Variants in SVIL observed in about 807,000 individuals in gnomAD.
SVIL encodes archvillin.
A neutral mutation model predicts 240.4 loss-of-function variants in SVIL; 101 were observed. That is an observed-to-expected ratio of 0.42 (90% CI 0.36 to 0.50). The LOEUF is 0.50. SVIL is among the 20% of genes least tolerant of loss of function. The probability of loss-of-function intolerance (pLI) is 0.01; values close to 1 mark genes in which losing one functional copy is unlikely to be tolerated. For synonymous variants in SVIL, 999 were observed against 1,100.0 expected, an observed-to-expected ratio of 0.91 and a Z score of 1.82; for missense variants, 2,512 against 2,818.7, an observed-to-expected ratio of 0.89 and a Z score of 2.46.
At chr10:29,524,426 T>G in intron 14 of SVIL, 46 bp downstream of exon 14, 1 of 1,607,856 alleles carries the variant, frequency 6.2e-7, no homozygotes, top group Non-Finnish European at 8.5e-7. Flanking sequence ...TGCTATAATT[T>G]AAGAACACAC....
Position 29,555,313 on chromosome 10 carries a change from GACAC to G in SVIL, c.-50-209_-50-206del, listed in dbSNP as rs60699689. Among the ~76,000 whole-genome samples, 77 of 132,688 alleles carry G rather than the reference GACAC, an allele frequency of 5.8e-4. No homozygotes were observed. The East Asian group carries it at 9.1e-3, about 16-fold the overall frequency. 87.0% of individuals were successfully genotyped at this position (132,688 alleles called of 152,430 possible). On this transcript the variant is annotated intron_variant, in intron 3 of 37. Coordinates refer to ENST00000355867, the MANE Select transcript of SVIL (RefSeq NM_021738.3). ...GATGCCAAATGAATAAGAGTGTGCA[GACAC>G]ACACACACACACACACACACACACA...
In SVIL at chr10:29,486,234, G is replaced by A. The variant is rs61848919; in HGVS notation, c.4634-4C>T. 1.9e-5 allele frequency: 30 copies of A among 1,614,098 alleles called. No homozygotes were observed. The highest frequency in any genetic ancestry group is 6.7e-5 in the Admixed American group (4 of 60,018). ...TCTTCTTTTGGGTCTCCAGCAGCTTGGGGATAAGAAGAACAGGAGAGCATC... is the reference window on the plus strand; with the variant it reads ...TCTTCTTTTGGGTCTCCAGCAGCTTAGGGATAAGAAGAACAGGAGAGCATC... On this transcript the variant is annotated splice_region_variant and splice_polypyrimidine_tract_variant and intron_variant, in intron 25 of 37. Coordinates refer to ENST00000355867, the MANE Select transcript of SVIL (RefSeq NM_021738.3).
chr10:29,705,622 T>C (rs1455805261), intron 1 of SVIL, among the ~76,000 whole-genome samples: 1 of 152,150 alleles, frequency 6.6e-6, no homozygotes, highest in African/African-American at 2.4e-5. Flanking sequence ...TTTGTCCTAA[T>C]GCTTTCCCTC....
At chr10:29,531,470 G>C (rs1951362819) in intron 9 of SVIL, among the ~76,000 whole-genome samples, 182 bp from the exon 10 acceptor site, 2 of 152,258 alleles carry the variant, frequency 1.3e-5, no homozygotes, top group African/African-American at 4.8e-5. Flanking sequence ...TGTGGAGCGT[G>C]TGTGCACACA....
chr10:29,631,082 C>T (rs1342340807), intron 1 of SVIL, among the ~76,000 whole-genome samples: 1 of 152,178 alleles, frequency 6.6e-6, no homozygotes. Flanking sequence ...TGGCACATCT[C>T]CTTTGATATT....
At chr10:29,730,683 C>T (rs572491076) in intron 1 of SVIL, among the ~76,000 whole-genome samples, 173 of 152,304 alleles carry the variant, frequency 1.1e-3, no homozygotes, top group African/African-American at 4.0e-3. Context: ...AACTCAGCAA[C>T]CGTGAATCAT....
intron 20 of SVIL, 52 bp from the exon 21 acceptor site, chr10:29,493,443 A>G (rs1564512791): frequency 6.3e-7 from 1 of 1,590,794 alleles, no homozygotes; most frequent in East Asian, 2.2e-5. Flanking sequence ...CAAGGACTCC[A>G]ATTATGCTTC....
At chr10:29,660,084 T>A (rs1959112113) in intron 2 of SVIL, among the ~76,000 whole-genome samples, 1 of 152,086 alleles carries the variant, frequency 6.6e-6, no homozygotes, top group South Asian at 2.1e-4. Flanking sequence ...TTTGGGAGGC[T>A]GAGGCAGGAG....
At chr10:29,708,539 T>C (rs1294643294) in intron 1 of SVIL, among the ~76,000 whole-genome samples, 1 of 151,980 alleles carries the variant, frequency 6.6e-6, no homozygotes, top group South Asian at 2.1e-4. Context: ...GAAAATTGCT[T>C]GAACCTGGGA....
At chr10:29,481,935 T>C (rs1310379596) in intron 27 of SVIL, among the ~76,000 whole-genome samples, 1 of 152,092 alleles carries the variant, frequency 6.6e-6, no homozygotes, top group Non-Finnish European at 1.5e-5. Flanking sequence ...AAGCTTTGTG[T>C]CCATGGAGTT....
At chr10:29,594,559 C>CTTT (rs34870351) in intron 1 of SVIL, among the ~76,000 whole-genome samples, 10 of 140,590 alleles carry the variant, frequency 7.1e-5, no homozygotes, top group African/African-American at 2.6e-4. Flanking sequence ...AATTTTTTTT[C>CTTT]TTTTTTTTTT....
chr10:29,622,524 T>C (rs538395973), intron 1 of SVIL, among the ~76,000 whole-genome samples: 2 of 152,270 alleles, frequency 1.3e-5, no homozygotes, highest in African/African-American at 2.4e-5. Context: ...AATGAAACTT[T>C]GGCACAGTTC....
chr10:29,727,749 A>T (rs956560923), intron 1 of SVIL, among the ~76,000 whole-genome samples: 2 of 152,052 alleles, frequency 1.3e-5, no homozygotes, highest in Non-Finnish European at 2.9e-5. Flanking sequence ...ACAAAAAAAA[A>T]AAAAAAAGAA....
Position 29,520,656 on chromosome 10 carries a change from C to T in SVIL, c.3389+1754G>A, listed in dbSNP as rs1025696335. Reference sequence around the variant, plus strand: ...GGTGTGGTGGTGCATGTCTGTAATCCCCGCACTTTGGAAGGCTGAGGTGGG... The same window carrying T: ...GGTGTGGTGGTGCATGTCTGTAATCTCCGCACTTTGGAAGGCTGAGGTGGG... On this transcript the variant is annotated intron_variant, in intron 16 of 37. Transcript: ENST00000355867. Among the ~76,000 whole-genome samples, 2 of 152,066 alleles carry T rather than the reference C, an allele frequency of 1.3e-5. 1 individual carries two copies. The highest frequency in any genetic ancestry group is 2.9e-5 in the Non-Finnish European group (2 of 68,004).
chr10:29,531,027 T>C (rs1018818023), intron 10 of SVIL, among the ~76,000 whole-genome samples: 1 of 152,214 alleles, frequency 6.6e-6, no homozygotes, highest in Non-Finnish European at 1.5e-5. Flanking sequence ...GAATTAGTTG[T>C]TTTTACATTG....
Position 29,529,963 on chromosome 10 carries a change from G to C in SVIL, c.2107-119C>G, listed in dbSNP as rs1951240260. 3.7e-6 allele frequency: 4 copies of C among 1,080,862 alleles called. No homozygotes were observed. In the South Asian group the frequency reaches 6.9e-5, roughly 19 times the overall value. The allele number at this position is 1,080,862 out of a possible 1,614,324, so 67.0% of individuals were successfully genotyped here. On this transcript the variant is annotated intron_variant, in intron 11 of 37. Coordinates refer to ENST00000355867, the MANE Select transcript of SVIL (RefSeq NM_021738.3). ...AGGAGGGAAGATTGCTGGAGGCCAA[G>C]AGTTCAAGACCAGCCTGGGCAACAA...
intron 2 of SVIL, among the ~76,000 whole-genome samples, chr10:29,665,872 C>T (rs1959242869): frequency 6.6e-6 from 1 of 152,202 alleles, no homozygotes; most frequent in Non-Finnish European, 1.5e-5. Context: ...CAAACATACA[C>T]TAAGGGCTCC....
chr10:29,503,052 A>G (rs1356547225), intron 17 of SVIL, among the ~76,000 whole-genome samples: 7 of 152,200 alleles, frequency 4.6e-5, no homozygotes, highest in Non-Finnish European at 7.3e-5. Flanking sequence ...TCTTATTCAC[A>G]TGTAGTTAAA....
chr10:29,596,550 G>C (rs542749736), intron 1 of SVIL, among the ~76,000 whole-genome samples: 2 of 152,120 alleles, frequency 1.3e-5, no homozygotes, highest in Non-Finnish European at 1.5e-5. Flanking sequence ...CAGCAATAGA[G>C]GAATTAAGAG....
Sources: allele counts gnomAD v4.1 joint callset (sites outside exome capture counted in the v4.1 genomes callset), GRCh38; gene constraint gnomAD v4.1.1; transcripts MANE v1.5; gene names NCBI Gene and HGNC (gene_info 2026-07-23, HGNC 2026-07-21).